Variants in SPOPL observed in about 807,000 individuals in gnomAD.
The protein encoded by SPOPL is speckle type BTB/POZ protein like.
In SPOPL, 23 loss-of-function variants were observed where a neutral mutation model predicts 53.8. The ratio of observed to expected loss-of-function variants is 0.43; its 90% CI spans 0.31 to 0.61. The LOEUF (loss-of-function observed/expected upper bound fraction) is 0.61, where lower values mean the gene tolerates loss of function less well. SPOPL is among the 20% of genes least tolerant of loss of function. SPOPL has a pLI of 0.12. For synonymous variants in SPOPL, 164 were observed against 149.7 expected, an observed-to-expected ratio of 1.10 and a Z score of -0.70; for missense variants, 442 against 466.9, an observed-to-expected ratio of 0.95 and a Z score of 0.49.
intron 1 of SPOPL, among the ~76,000 whole-genome samples, chr2:138,532,593 A>ATTTTTTTTTTTTTTT (rs71301784): frequency 1.3e-4 from 14 of 111,872 alleles, no homozygotes; most frequent in Admixed American, 1.9e-4. Flanking sequence ...CGCCCGGCTA[A>ATTTTTTTTTTTTTTT]TTTTTTTTTT....
chr2:138,535,556 T>C (rs1379945462), intron 1 of SPOPL, among the ~76,000 whole-genome samples: 1 of 73,236 alleles, frequency 1.4e-5, no homozygotes, highest in Non-Finnish European at 2.5e-5. Flanking sequence ...TTCTAGTAGC[T>C]TTTTTTTTTT....
intron 1 of SPOPL, among the ~76,000 whole-genome samples, chr2:138,543,610 A>G (rs1558873322): frequency 6.6e-6 from 1 of 151,690 alleles, no homozygotes; most frequent in Non-Finnish European, 1.5e-5. Flanking sequence ...ACTTCTCTGC[A>G]TTGGTTATTC....
intron 1 of SPOPL, among the ~76,000 whole-genome samples, chr2:138,506,437 A>G (rs1684217189): frequency 6.6e-6 from 1 of 152,206 alleles, no homozygotes; most frequent in South Asian, 2.1e-4. Context: ...TAGCTGTTAC[A>G]ATAATGTAGT....
intron 1 of SPOPL, among the ~76,000 whole-genome samples, chr2:138,544,256 A>G (rs1199258578): frequency 6.6e-6 from 1 of 152,180 alleles, no homozygotes; most frequent in African/African-American, 2.4e-5. Context: ...GCTCTCTTCA[A>G]GGCTGTCAGA....
rs1041115327 is a variant in SPOPL at position 138,550,159 on chromosome 2, A to G, written c.-58A>G. The G allele has an allele frequency of 9.0e-5, 133 of 1,480,128 alleles. 2 individuals are homozygous for G. In the Admixed American group the frequency reaches 2.2e-3, roughly 25 times the overall value. 91.7% of individuals were successfully genotyped at this position (1,480,128 alleles called of 1,614,324 possible). A position where few individuals can be genotyped will look rare whatever the true frequency, so the allele number is the denominator to read the frequency against. On this transcript the variant is annotated splice_region_variant and 5_prime_UTR_variant, in exon 2 of 11. Coordinates refer to ENST00000280098, the MANE Select transcript of SPOPL (RefSeq NM_001001664.3). ...CATCAAACTTCTTTCCTTTGTAGGTAAGGTACTCAACTGTGTGGGGTACTA... is the reference window on the plus strand; with the variant it reads ...CATCAAACTTCTTTCCTTTGTAGGTGAGGTACTCAACTGTGTGGGGTACTA...
At chr2:138,526,978 G>A (rs569415431) in intron 1 of SPOPL, among the ~76,000 whole-genome samples, 4 of 152,140 alleles carry the variant, frequency 2.6e-5, no homozygotes, top group Admixed American at 1.3e-4. Flanking sequence ...CACCTGCCTC[G>A]ACTTCCCAAA....
intron 7 of SPOPL, 82 bp downstream of exon 7, chr2:138,559,419 GTTCT>G: frequency 9.4e-6 from 13 of 1,385,460 alleles, no homozygotes; most frequent in East Asian, 2.5e-5. Flanking sequence ...ATAGTACAAT[GTTCT>G]CATTGTCATA....
At position 138,502,078 on chromosome 2, in the gene SPOPL, G is replaced by T. The variant is rs1480607070; in HGVS notation, c.-102G>T. On this transcript the variant is annotated 5_prime_UTR_variant, in exon 1 of 11. It introduces an in-frame stop codon into an upstream open reading frame of the 5' UTR. Coordinates refer to ENST00000280098, the MANE Select transcript of SPOPL (RefSeq NM_001001664.3). The stretch of plus-strand genomic sequence containing the variant: ...CACGGCCACCGCCTCAGCGGGAGAG[G>T]AGTCTCCACCAGGACTGACCGCTGC... 1 of 152,680 alleles carries T rather than the reference G, an allele frequency of 6.5e-6. No homozygotes were observed. Among genetic ancestry groups the T allele is most frequent in the Non-Finnish European group, 1.5e-5 (1 of 68,446 alleles). The allele number at this position is 152,680 out of a possible 1,614,324, so 9.5% of individuals were successfully genotyped here.
rs142800088 is a variant in SPOPL at position 138,566,977 on chromosome 2, G to T, written c.1035-1959G>T. ...GCAAGCATTGCAGACAGAAGGGACAGCATGAACCAAAGTATAGAAGCGTAA... is the reference window on the plus strand; with the variant it reads ...GCAAGCATTGCAGACAGAAGGGACATCATGAACCAAAGTATAGAAGCGTAA... On this transcript the variant is annotated intron_variant, in intron 10 of 10. Transcript: ENST00000280098. 4.4e-4 allele frequency among the ~76,000 whole-genome samples: 67 copies of T among 152,288 alleles called. No homozygotes were observed. In the East Asian group the frequency reaches 8.5e-3, roughly 19 times the overall value.
At chr2:138,531,668 C>G (rs1684812332) in intron 1 of SPOPL, among the ~76,000 whole-genome samples, 1 of 151,968 alleles carries the variant, frequency 6.6e-6, no homozygotes, top group Admixed American at 6.6e-5. Context: ...TCTAGTCTTA[C>G]CTTTTGCTGT....
chr2:138,546,492 T>G (rs986181053), intron 1 of SPOPL, among the ~76,000 whole-genome samples: 3 of 152,212 alleles, frequency 2.0e-5, no homozygotes, highest in African/African-American at 7.2e-5. Context: ...ATCCTGGAAA[T>G]AGCACTGAAG....
intron 1 of SPOPL, among the ~76,000 whole-genome samples, chr2:138,542,645 G>T (rs1043028256): frequency 7.2e-5 from 11 of 152,176 alleles, no homozygotes; most frequent in African/African-American, 2.2e-4. Context: ...CTGTGAGATG[G>T]GTTTCCTGAA....
Position 138,569,123 on chromosome 2 carries a change from C to T in SPOPL, c.*43C>T. On this transcript the variant is annotated 3_prime_UTR_variant, in exon 11 of 11. Transcript: ENST00000280098. ...TGAAAAATGGAATTGACTTTCACTC[C>T]TCCAGGTCCAGAAGGATTCTAATAC... 5 of 1,598,638 alleles carry T rather than the reference C, an allele frequency of 3.1e-6. No homozygotes were observed. The highest frequency in any genetic ancestry group is 1.1e-5 in the South Asian group (1 of 89,352).
chr2:138,507,852 A>C (rs1057076454), intron 1 of SPOPL, among the ~76,000 whole-genome samples: 9 of 152,048 alleles, frequency 5.9e-5, no homozygotes, highest in Admixed American at 5.9e-4. Flanking sequence ...GTAGTGTTTT[A>C]TTTTTGCTAG....
At chr2:138,566,648 A>C (rs1203145622) in intron 10 of SPOPL, among the ~76,000 whole-genome samples, 1 of 152,174 alleles carries the variant, frequency 6.6e-6, no homozygotes, top group Non-Finnish European at 1.5e-5. Flanking sequence ...AACTTAAAAA[A>C]TTGTTTTGTT....
intron 1 of SPOPL, among the ~76,000 whole-genome samples, chr2:138,534,199 G>A (rs10928657): frequency 0.78 from 119,098 of 152,066 alleles, 47,145 homozygotes; most frequent in Middle Eastern, 0.86. Context: ...GTTATAGAAG[G>A]TGTTTTATAG....
intron 1 of SPOPL, among the ~76,000 whole-genome samples, chr2:138,530,370 T>C (rs956440886): frequency 6.6e-6 from 1 of 152,182 alleles, no homozygotes; most frequent in Non-Finnish European, 1.5e-5. Flanking sequence ...CTGGGTCGAA[T>C]GGTAGTTATG....
chr2:138,560,477 A>C (rs1214566696), intron 7 of SPOPL, among the ~76,000 whole-genome samples: 4 of 151,838 alleles, frequency 2.6e-5, no homozygotes, highest in African/African-American at 9.7e-5. Flanking sequence ...TTTTAATTGA[A>C]AAATTGGGGC....
At position 138,571,748 on chromosome 2, in the gene SPOPL, TTTTCTGAGAAGGTAG is replaced by T. The variant is rs1573916733; in HGVS notation, c.*2670_*2684del. 1 of 152,612 alleles carries T rather than the reference TTTTCTGAGAAGGTAG, an allele frequency of 6.6e-6. No individual in the cohort carries two copies. The highest frequency in any genetic ancestry group is 6.5e-5 in the Admixed American group (1 of 15,272). The allele number at this position is 152,612 out of a possible 1,614,324, so 9.5% of individuals were successfully genotyped here. A position where few individuals can be genotyped will look rare whatever the true frequency, so the allele number is the denominator to read the frequency against. On this transcript the variant is annotated 3_prime_UTR_variant, in exon 11 of 11. Coordinates refer to ENST00000280098, the MANE Select transcript of SPOPL (RefSeq NM_001001664.3). ...TTCCCTTTGTCACCTAAGCAAGGCT[TTTTCTGAGAAGGTAG>T]TGAATGGTTTCAAATGTTGCATACT... is the stretch of plus-strand genomic sequence containing the variant.
Sources: allele counts gnomAD v4.1 joint callset (sites outside exome capture counted in the v4.1 genomes callset), GRCh38; gene constraint gnomAD v4.1.1; transcripts MANE v1.5; gene names NCBI Gene and HGNC (gene_info 2026-07-23, HGNC 2026-07-21).